The following LCLAT1 variants were observed in gnomAD, a reference collection of about 807,000 sequenced individuals.
LCLAT1 encodes 1-AGP acyltransferase 8.
A neutral mutation model predicts 30.7 loss-of-function variants in LCLAT1; 11 were observed. The ratio of observed to expected loss-of-function variants is 0.36; its 90% confidence interval spans 0.23 to 0.59. The LOEUF (loss-of-function observed/expected upper bound fraction) is 0.59. Ranked by LOEUF, LCLAT1 falls within the 20% of genes least tolerant of loss-of-function variation. The pLI, the probability that LCLAT1 is intolerant of heterozygous loss-of-function variation, is 0.77. For missense variants in LCLAT1, 402 were observed against 458.6 expected (o/e 0.88, Z 1.13); for synonymous variants, 155 against 151.3 (o/e 1.02, Z -0.18).
At chr2:30,492,721 C>T (rs1245138908) in intron 1 of LCLAT1, among the ~76,000 whole-genome samples, 1 of 152,046 alleles carries the variant, frequency 6.6e-6, no homozygotes, top group African/African-American at 2.4e-5. Context: ...TATGAAAGAG[C>T]TTGCTTTCTT....
intron 5 of LCLAT1, among the ~76,000 whole-genome samples, chr2:30,571,689 A>T (rs1665787684): frequency 6.6e-6 from 1 of 152,196 alleles, no homozygotes; most frequent in Non-Finnish European, 1.5e-5. Context: ...CAGACAAATT[A>T]CTGAAATACT....
intron 1 of LCLAT1, among the ~76,000 whole-genome samples, chr2:30,499,567 T>G (rs949457145): frequency 6.6e-6 from 1 of 152,214 alleles, no homozygotes; most frequent in African/African-American, 2.4e-5. Context: ...TGCAAGCCAG[T>G]GGAGTAAGTT....
intron 1 of LCLAT1, among the ~76,000 whole-genome samples, chr2:30,505,432 A>G (rs777799312): frequency 3.3e-5 from 5 of 149,578 alleles, no homozygotes; most frequent in Non-Finnish European, 5.9e-5. Context: ...ATTTCTTTGT[A>G]TATTTATTGA....
rs1439622674 is a variant in LCLAT1 at position 30,640,759 on chromosome 2, A to G, written c.*140A>G. On this transcript the variant is annotated 3_prime_UTR_variant, in exon 6 of 6. Transcript: ENST00000379509. Reference sequence around the variant, plus strand: ...TATTTGTTAAAGATATTTTGCACTTAATTTTGTGGGAAAAATATTGCTACA... The same window carrying G: ...TATTTGTTAAAGATATTTTGCACTTGATTTTGTGGGAAAAATATTGCTACA... The G allele has an allele frequency of 1.9e-6, 2 of 1,075,352 alleles. No individual in the cohort carries two copies. The highest frequency in any genetic ancestry group is 2.6e-6 in the Non-Finnish European group (2 of 770,892). 66.6% of individuals were successfully genotyped at this position (1,075,352 alleles called of 1,614,324 possible). A position where few individuals can be genotyped will look rare whatever the true frequency, so the allele number is the denominator to read the frequency against.
At chr2:30,560,839 G>C (rs181000976) in intron 3 of LCLAT1, among the ~76,000 whole-genome samples, 11 of 152,356 alleles carry the variant, frequency 7.2e-5, no homozygotes, top group African/African-American at 2.6e-4. Context: ...GGATATCCAA[G>C]AGGTGGATCC....
chr2:30,616,906 A>C (rs1165581149), intron 5 of LCLAT1, among the ~76,000 whole-genome samples: 2 of 152,166 alleles, frequency 1.3e-5, no homozygotes, highest in East Asian at 3.8e-4. Context: ...GTTTTCTAAC[A>C]TTTTGGTTTG....
At chr2:30,541,837 A>C (rs1664152840) in intron 3 of LCLAT1, among the ~76,000 whole-genome samples, 1 of 96,020 alleles carries the variant, frequency 1.0e-5, no homozygotes, top group African/African-American at 2.9e-5. Flanking sequence ...TTTTACCAGT[A>C]GTGTAAGAGA....
chr2:30,562,024 A>T, intron 3 of LCLAT1, 122 bp from the exon 4 acceptor site: 1 of 578,450 alleles, frequency 1.7e-6, no homozygotes, highest in Non-Finnish European at 2.8e-6. Context: ...ATGCTATATC[A>T]TGAAATGTTT....
intron 1 of LCLAT1, among the ~76,000 whole-genome samples, chr2:30,520,821 G>A (rs1024400826): frequency 1.3e-5 from 2 of 152,120 alleles, no homozygotes; most frequent in East Asian, 1.9e-4. Context: ...TCTACAAACA[G>A]TAAAGTTCAC....
intron 3 of LCLAT1, among the ~76,000 whole-genome samples, chr2:30,545,862 C>G (rs940839023): frequency 1.3e-5 from 2 of 152,044 alleles, no homozygotes; most frequent in Admixed American, 1.3e-4. Context: ...TCATTAATCA[C>G]TGTAGAGTGA....
intron 1 of LCLAT1, among the ~76,000 whole-genome samples, chr2:30,466,803 T>C (rs1281800190): frequency 1.3e-5 from 2 of 152,170 alleles, no homozygotes; most frequent in Non-Finnish European, 1.5e-5. Flanking sequence ...ACAAGTCTTA[T>C]ATATTTTTAA....
intron 3 of LCLAT1, among the ~76,000 whole-genome samples, chr2:30,539,213 T>G (rs1249845451): frequency 1.3e-5 from 2 of 149,586 alleles, no homozygotes; most frequent in Non-Finnish European, 3.0e-5. Context: ...CCTCCCAAAG[T>G]GCTGGGATTA....
At chr2:30,450,440 G>A (rs1376572594) in intron 1 of LCLAT1, among the ~76,000 whole-genome samples, 1 of 152,186 alleles carries the variant, frequency 6.6e-6, no homozygotes, top group African/African-American at 2.4e-5. Context: ...CGGGCAGTGG[G>A]AACTGTAGAA....
chr2:30,566,051 G>A (rs965571971), intron 4 of LCLAT1, among the ~76,000 whole-genome samples: 2 of 152,118 alleles, frequency 1.3e-5, no homozygotes, highest in East Asian at 1.9e-4. Context: ...AGGGAGTAAC[G>A]TGACAAGACA....
Position 30,537,544 on chromosome 2 carries a change from ACG to A in LCLAT1, c.364+4232_364+4233del, listed in dbSNP as rs1491330582. 4.0e-5 allele frequency among the ~76,000 whole-genome samples: 6 copies of A among 150,100 alleles called. No homozygotes were observed. In the Admixed American group the frequency reaches 4.0e-4, roughly 10 times the overall value. On this transcript the variant is annotated intron_variant, in intron 3 of 5. Transcript: ENST00000379509. Reference sequence around the variant, plus strand: ...AATACACACACACACACACACACACACGCACGCACACCAAACACCGGAGCACC... The same window carrying A: ...AATACACACACACACACACACACACACACGCACACCAAACACCGGAGCACC...
intron 5 of LCLAT1, among the ~76,000 whole-genome samples, chr2:30,577,056 CATTTT>C (rs1260368973): frequency 6.7e-6 from 1 of 149,224 alleles, no homozygotes; most frequent in Non-Finnish European, 1.5e-5. Flanking sequence ...TAGTTTTCTC[CATTTT>C]ATTTTGCATA....
intron 5 of LCLAT1, among the ~76,000 whole-genome samples, chr2:30,612,120 T>G (rs1667768284): frequency 1.3e-5 from 2 of 152,258 alleles, no homozygotes; most frequent in South Asian, 4.1e-4. Context: ...AGGAAACAAG[T>G]ACTTCTACAG....
chr2:30,632,040 C>G (rs1203430790), intron 5 of LCLAT1, among the ~76,000 whole-genome samples: 1 of 152,156 alleles, frequency 6.6e-6, no homozygotes, highest in African/African-American at 2.4e-5. Context: ...GAGAGATAAA[C>G]AGCACTGAAA....
intron 1 of LCLAT1, among the ~76,000 whole-genome samples, chr2:30,455,909 C>CAAAA (rs3060184): frequency 9.3e-4 from 57 of 61,000 alleles, no homozygotes; most frequent in African/African-American, 3.0e-3. Flanking sequence ...GACCCTATAT[C>CAAAA]AAAAAAAAAA....
Sources: allele counts gnomAD v4.1 joint callset (sites outside exome capture counted in the v4.1 genomes callset), GRCh38; gene constraint gnomAD v4.1.1; transcripts MANE v1.5; gene names NCBI Gene and HGNC (gene_info 2026-07-23, HGNC 2026-07-21).